Variants in DCTN1 observed in about 807,000 individuals in gnomAD.
The protein encoded by DCTN1 is 150 kDa dynein-associated polypeptide.
DCTN1 carries 61 observed loss-of-function variants against 161.2 expected under a neutral mutation model. That is an observed-to-expected ratio of 0.38 (90% CI 0.31 to 0.47). The LOEUF is 0.47. Among genes scored for constraint, DCTN1 ranks in the 20% least tolerant of loss-of-function variants. The probability of loss-of-function intolerance (pLI) is 0.99; values close to 1 mark genes in which losing one functional copy is unlikely to be tolerated. For missense variants in DCTN1, 1,404 were observed against 1,623.7 expected (o/e 0.86, Z 2.33); for synonymous variants, 653 against 632.4 (o/e 1.03, Z -0.49).
chr2:74,366,065 A>G (rs767199008), intron 23 of DCTN1, 47 bp from the exon 24 acceptor site: 1 of 1,613,926 alleles, frequency 6.2e-7, no homozygotes, highest in South Asian at 1.1e-5. Flanking sequence ...TGGAGAGAAG[A>G]GATCATCACT....
chr2:74,362,189 AGGC>A lies in DCTN1; in HGVS notation c.3610-51_3610-49del, dbSNP rs758960351. ...AAGGGTTCATTTATGGGACCCCCAC[AGGC>A]TAGCACAAGACCACGTGGTTTCACA... On this transcript the variant is annotated intron_variant, in intron 30 of 31. Coordinates refer to ENST00000628224, the MANE Select transcript of DCTN1 (RefSeq NM_004082.5). The A allele has an allele frequency of 1.0e-5, 16 of 1,564,484 alleles. No homozygotes were observed. The South Asian group carries it at 1.2e-4, about 12-fold the overall frequency.
At chr2:74,386,170 T>C (rs1167956750) in intron 1 of DCTN1, among the ~76,000 whole-genome samples, 1 of 152,144 alleles carries the variant, frequency 6.6e-6, no homozygotes, top group East Asian at 1.9e-4. Context: ...GCCCACAAAC[T>C]GGCATGGTAA....
chr2:74,363,856 C>A (rs975364468), intron 26 of DCTN1: 1 of 635,784 alleles, frequency 1.6e-6, no homozygotes, highest in African/African-American at 1.8e-5. Flanking sequence ...AGACAGGGTA[C>A]AATGTGTGAA....
chr2:74,384,451 T>C (rs1213048885), upstream of DCTN1, among the ~76,000 whole-genome samples: 1 of 152,206 alleles, frequency 6.6e-6, no homozygotes, highest in Non-Finnish European at 1.5e-5. Flanking sequence ...ACCTCTTGGA[T>C]TTCTAATCCA....
chr2:74,373,633 G>T (rs1052652716), intron 6 of DCTN1, among the ~76,000 whole-genome samples: 3 of 152,210 alleles, frequency 2.0e-5, no homozygotes, highest in African/African-American at 7.2e-5. Flanking sequence ...CTGTAGGAAA[G>T]GAGGTGGGGG....
rs896140473 is a variant in DCTN1 at position 74,380,264 on chromosome 2, G to T, written c.-227C>A. 19 of 626,914 alleles carry T rather than the reference G, an allele frequency of 3.0e-5. No homozygotes were observed. Among genetic ancestry groups the T allele is most frequent in the South Asian group, 1.4e-4 (8 of 56,796 alleles). 38.8% of individuals were successfully genotyped at this position (626,914 alleles called of 1,614,324 possible). ...TCCCCTCTGCTGCCTGAGGATTCCT[G>T]AACCCAGAGACACAGAATCCTGCTT... On this transcript the variant is annotated 5_prime_UTR_variant, in exon 1 of 32. Coordinates refer to ENST00000628224, the MANE Select transcript of DCTN1 (RefSeq NM_004082.5).
chr2:74,365,085 G>C lies in DCTN1; in HGVS notation c.3186C>G (p.Gly1062=). 1.2e-6 allele frequency: 2 copies of C among 1,614,108 alleles called. No homozygotes were observed. The highest frequency in any genetic ancestry group is 2.2e-5 in the South Asian group (2 of 91,072). Residue 1062 remains glycine (G), a synonymous_variant, in exon 26 of 32, where the codon GGC becomes GGG. Transcript: ENST00000628224. ...TTCCACAGTACTCACCACCAGCAAT[G>C]CCAGAGACCAGAGTAGCAATGCCTG... ...PPSGIATLVS[G]IAGEEQQRGA...
rs769512188 is a variant in DCTN1 at position 74,366,542 on chromosome 2, C to T, written c.2545G>A (p.Ala849Thr). 6.2e-6 allele frequency: 10 copies of T among 1,614,034 alleles called. No homozygotes were observed. In the South Asian group the frequency reaches 1.1e-4, roughly 18 times the overall value. The stretch of plus-strand genomic sequence containing the variant: ...TCTGCCAGTGGGGCAATGAGCTGGG[C>T]AGCAGCAGCTGCCACCTCCTGCAGC... The part of the protein sequence containing the change: ...AVLQEVAAAA[A>T]QLIAPLAENE... The change falls in exon 22 of 32, where the codon GCC becomes ACC. Residue 849 changes from alanine (A) to threonine (T), a missense_variant. Transcript: ENST00000628224.
intron 1 of DCTN1, chr2:74,391,686 C>T: frequency 2.5e-6 from 1 of 404,358 alleles, no homozygotes; most frequent in Non-Finnish European, 4.9e-6. Context: ...CCACCCCTGC[C>T]AGTCCCCGCC....
At chr2:74,371,983 A>G in intron 7 of DCTN1, 1 of 502,996 alleles carries the variant, frequency 2.0e-6, no homozygotes, top group Non-Finnish European at 3.6e-6. Flanking sequence ...GATAAGAGAA[A>G]GACATAAGAT....
chr2:74,381,797 G>C (rs1002386630), upstream of DCTN1, among the ~76,000 whole-genome samples: 5 of 152,192 alleles, frequency 3.3e-5, no homozygotes, highest in African/African-American at 1.2e-4. Context: ...ACATATCTCA[G>C]AGAGGTATCG....
rs765735617 is a variant in DCTN1 at position 74,380,055 on chromosome 2, T to C, written c.-18A>G. 4 of 1,613,960 alleles carry C rather than the reference T, an allele frequency of 2.5e-6. No homozygotes were observed. In the East Asian group the frequency reaches 8.9e-5, roughly 36 times the overall value. ...TGTGCCATGTTGCTCACCCGGCCTCTACCCCCTCCCCCAGCTGGCCAAAGA... is the reference window on the plus strand; with the variant it reads ...TGTGCCATGTTGCTCACCCGGCCTCCACCCCCTCCCCCAGCTGGCCAAAGA... On this transcript the variant is annotated 5_prime_UTR_variant, in exon 1 of 32. Transcript: ENST00000628224.
chr2:74,362,954 G>C, intron 29 of DCTN1, 40 bp downstream of exon 29: 1 of 1,601,188 alleles, frequency 6.2e-7, no homozygotes, highest in Non-Finnish European at 8.5e-7. Flanking sequence ...CCAAGTGGAG[G>C]GGGCAGTTTT....
chr2:74,388,311 C>A (rs1248516234), intron 1 of DCTN1, among the ~76,000 whole-genome samples: 6 of 152,060 alleles, frequency 3.9e-5, no homozygotes, highest in African/African-American at 1.4e-4. Context: ...GGCTGTAGTG[C>A]GTGATGATCT....
Position 74,366,556 on chromosome 2 carries a change from A to G in DCTN1, c.2531T>C (p.Val844Ala). ...AATGAGCTGGGCAGCAGCAGCTGCC[A>G]CCTCCTGCAGCACAGCCACGACCCA... ...LTWVVAVLQE[V>A]AAAAAQLIAP... Residue 844 changes from valine to alanine, a missense_variant, in exon 22 of 32, where the codon GTG becomes GCG. Transcript: ENST00000628224. 6.2e-7 allele frequency: 1 copy of G among 1,613,836 alleles called. No homozygotes were observed. The highest frequency in any genetic ancestry group is 1.1e-5 in the South Asian group (1 of 91,080).
intron 8 of DCTN1, 165 bp from the exon 9 acceptor site, chr2:74,371,341 T>G: frequency 1.3e-6 from 2 of 1,483,504 alleles, no homozygotes; most frequent in Non-Finnish European, 1.8e-6. Flanking sequence ...GCACAGTATA[T>G]ATGGGGAAAG....
Position 74,368,804 on chromosome 2 carries a change from G to A in DCTN1, c.1778C>T (p.Pro593Leu). The change falls in exon 16 of 32, where the codon CCT becomes CTT. Residue 593 changes from proline to leucine, a missense_variant. Coordinates refer to ENST00000628224, the MANE Select transcript of DCTN1 (RefSeq NM_004082.5). ...RHMSLLTAFM[P>L]DSFLRPGGDH... ...CCCACCTGGCCGAAGGAAGCTGTCA[G>A]GCATGAAGGCTGTCAGCAGGGACAT... 3 of 1,614,266 alleles carry A rather than the reference G, an allele frequency of 1.9e-6. No homozygotes were observed. Among genetic ancestry groups the A allele is most frequent in the Non-Finnish European group, 2.5e-6 (3 of 1,180,054 alleles).
intron 6 of DCTN1, chr2:74,373,299 A>G (rs1410464539): frequency 5.2e-6 from 2 of 383,026 alleles, no homozygotes; most frequent in Non-Finnish European, 1.0e-5. Flanking sequence ...TCCTCCTGCT[A>G]ACGATCTCTC....
intron 25 of DCTN1, 103 bp downstream of exon 25, chr2:74,365,412 A>G (rs1674331757): frequency 6.3e-7 from 1 of 1,578,936 alleles, no homozygotes; most frequent in Non-Finnish European, 8.6e-7. Context: ...GAAAATGGGG[A>G]GTCTCACTAT....
Sources: gnomAD v4.1 joint callset for allele counts (sites outside exome capture counted in the v4.1 genomes callset) on GRCh38, gnomAD v4.1.1 for gene constraint, MANE v1.5 for transcripts, NCBI Gene and HGNC (gene_info 2026-07-23, HGNC 2026-07-21) for gene names.